Variants in RPS6KA3 observed in about 807,000 individuals in gnomAD.
The protein encoded by RPS6KA3 is ribosomal protein S6 kinase A3.
Under a neutral mutation model 67.2 loss-of-function variants are expected in RPS6KA3, and 4 were observed. The observed-to-expected ratio is 0.06, with a 90% CI of 0.03 to 0.14. The LOEUF (loss-of-function observed/expected upper bound fraction) is 0.14. Ranked by LOEUF, RPS6KA3 falls within the 10% of genes least tolerant of loss-of-function variation. The pLI is 1.00. For synonymous variants in RPS6KA3, 182 were observed against 183.7 expected (o/e 0.99, Z 0.07); for missense variants, 204 against 559.0 (o/e 0.36, Z 6.40).
chrX:20,181,123 A>G (rs767562752), intron 10 of RPS6KA3, among the ~76,000 whole-genome samples: 1 of 112,334 alleles, frequency 8.9e-6, no homozygotes, highest in South Asian at 3.7e-4. Flanking sequence ...TTAAGTAGAT[A>G]TGTCTGGAAT....
intron 1 of RPS6KA3, among the ~76,000 whole-genome samples, chrX:20,248,835 C>T (rs2069778420): frequency 8.9e-6 from 1 of 111,789 alleles, no homozygotes. Flanking sequence ...ATGCACAGAT[C>T]CTACTCAGAT....
chrX:20,205,202 G>T (rs762298181), intron 3 of RPS6KA3, among the ~76,000 whole-genome samples: 1 of 111,999 alleles, frequency 8.9e-6, no homozygotes, highest in Admixed American at 9.4e-5. Context: ...TACTCACTTT[G>T]ACCATTAGGT....
intron 1 of RPS6KA3, among the ~76,000 whole-genome samples, chrX:20,259,090 C>T (rs2070152975): frequency 9.0e-6 from 1 of 111,586 alleles, no homozygotes; most frequent in Non-Finnish European, 1.9e-5. Context: ...CCCCTGACCC[C>T]AGAGGTATTT....
chrX:20,211,057 A>C (rs1188494866), intron 2 of RPS6KA3, among the ~76,000 whole-genome samples: 2 of 110,750 alleles, frequency 1.8e-5, no homozygotes, highest in East Asian at 5.7e-4. Context: ...AGATTTAGAT[A>C]GAAATCCAGG....
Position 20,257,525 on chromosome X carries a change from T to A in RPS6KA3, c.69+9039A>T, listed in dbSNP as rs185962852. Among the ~76,000 whole-genome samples the A allele has an allele frequency of 8.7e-4, 98 of 112,248 alleles. 2 individuals are homozygous for A. Among genetic ancestry groups the A allele is most frequent in the Admixed American group, 4.4e-3 (47 of 10,609 alleles). On this transcript the variant is annotated intron_variant, in intron 1 of 21. Coordinates refer to ENST00000379565, the MANE Select transcript of RPS6KA3 (RefSeq NM_004586.3). Reference sequence around the variant, plus strand: ...TTGTTAACATATCACCTGCAGCAGGTCTGCCTGAACAGGTCTCAATTTTCT... The same window carrying A: ...TTGTTAACATATCACCTGCAGCAGGACTGCCTGAACAGGTCTCAATTTTCT...
At position 20,155,536 on chromosome X, in the gene RPS6KA3, A is replaced by T; in HGVS notation, c.2101-16T>A. 1 of 1,209,547 alleles carries T rather than the reference A, an allele frequency of 8.3e-7. No homozygotes were observed. Among genetic ancestry groups the T allele is most frequent in the Non-Finnish European group, 1.1e-6 (1 of 893,334 alleles). On this transcript the variant is annotated splice_polypyrimidine_tract_variant and intron_variant, in intron 21 of 21. Transcript: ENST00000379565. ...CCATGGCACCCTGAACAAAGGAAAT[A>T]AAGGTAGTAACAAAAGTGACAATGG...
chrX:20,234,574 C>T (rs2069359370), intron 2 of RPS6KA3, among the ~76,000 whole-genome samples, 184 bp downstream of exon 2: 1 of 112,012 alleles, frequency 8.9e-6, no homozygotes, highest in Non-Finnish European at 1.9e-5. Flanking sequence ...CTTAAAATCA[C>T]TCTTATCAAA....
chrX:20,207,748 C>T (rs2068606061), intron 3 of RPS6KA3, among the ~76,000 whole-genome samples: 1 of 111,847 alleles, frequency 8.9e-6, no homozygotes, highest in Non-Finnish European at 1.9e-5. Context: ...AACCATTACG[C>T]TCTGATGGCT....
chrX:20,171,868 T>C (rs1406260835), intron 15 of RPS6KA3, among the ~76,000 whole-genome samples: 1 of 112,320 alleles, frequency 8.9e-6, no homozygotes, highest in Non-Finnish European at 1.9e-5. Context: ...AAATAGAAAA[T>C]TAAATGTATT....
intron 2 of RPS6KA3, among the ~76,000 whole-genome samples, chrX:20,231,011 G>A (rs1393661357): frequency 9.1e-6 from 1 of 110,281 alleles, no homozygotes; most frequent in African/African-American, 3.3e-5. Flanking sequence ...CCAGGCTGGA[G>A]TGCAGTGGCA....
intron 1 of RPS6KA3, among the ~76,000 whole-genome samples, chrX:20,258,242 C>T (rs977552160): frequency 8.9e-6 from 1 of 111,848 alleles, no homozygotes; most frequent in Non-Finnish European, 1.9e-5. Context: ...GCTCAACAGC[C>T]ACATATAGAT....
Position 20,177,165 on chromosome X carries a change from T to C in RPS6KA3, c.846-81A>G, listed in dbSNP as rs748563259. Reference sequence around the variant, plus strand: ...TTTAAAAATTCTTAAATTAAACTTTTTGAGATACTTGTAGATTCACACTCA... The same window carrying C: ...TTTAAAAATTCTTAAATTAAACTTTCTGAGATACTTGTAGATTCACACTCA... On this transcript the variant is annotated intron_variant, in intron 10 of 21. Transcript: ENST00000379565. 324 of 666,425 alleles carry C rather than the reference T, an allele frequency of 4.9e-4. 2 individuals are homozygous for C. The highest frequency in any genetic ancestry group is 1.2e-4 in the Admixed American group (5 of 40,881). 54.9% of individuals were successfully genotyped at this position (666,425 alleles called of 1,213,427 possible). A position where few individuals can be genotyped will look rare whatever the true frequency, so the allele number is the denominator to read the frequency against.
intron 1 of RPS6KA3, among the ~76,000 whole-genome samples, chrX:20,262,852 A>G (rs1223442153): frequency 8.9e-6 from 1 of 111,868 alleles, no homozygotes; most frequent in Admixed American, 9.5e-5. Flanking sequence ...AGAAACCTAT[A>G]TAATATTGAT....
intron 7 of RPS6KA3, among the ~76,000 whole-genome samples, chrX:20,190,869 C>CTTTTTTTTTTTTTT (rs1209937034): frequency 9.7e-6 from 1 of 102,913 alleles, no homozygotes. Flanking sequence ...TTTGTACTAA[C>CTTTTTTTTTTTTTT]TTTTTTTTTT....
At chrX:20,204,632 G>A (rs920654634) in intron 3 of RPS6KA3, among the ~76,000 whole-genome samples, 2 of 112,238 alleles carry the variant, frequency 1.8e-5, no homozygotes, top group Non-Finnish European at 3.8e-5. Context: ...TGGGAGTGGT[G>A]GCACACCCCT....
At position 20,192,592 on chromosome X, in the gene RPS6KA3, CTTTTTT is replaced by C. The variant is rs1159974637; in HGVS notation, c.593+889_593+894del. On this transcript the variant is annotated intron_variant, in intron 7 of 21. Coordinates refer to ENST00000379565, the MANE Select transcript of RPS6KA3 (RefSeq NM_004586.3). ...AAGACTGGAAAAAAATGTAAATTTT[CTTTTTT>C]TTTTTTTTTTTTTTTTTTTGAGACA... is the stretch of plus-strand genomic sequence containing the variant. Among the ~76,000 whole-genome samples the C allele has an allele frequency of 1.9e-3, 86 of 45,395 alleles. 2 individuals carry two copies. The highest frequency in any genetic ancestry group is 9.5e-3 in the African/African-American group (81 of 8,544). The allele number at this position is 45,395 out of a possible 115,157, so 39.4% of individuals were successfully genotyped here.
intron 4 of RPS6KA3, among the ~76,000 whole-genome samples, chrX:20,200,802 C>G (rs1056458738): frequency 9.0e-5 from 10 of 110,780 alleles, no homozygotes; most frequent in Non-Finnish European, 1.7e-4. Context: ...CCGCTTTAGC[C>G]CCCCCAGTCA....
chrX:20,258,995 G>C (rs1400074684), intron 1 of RPS6KA3, among the ~76,000 whole-genome samples: 1 of 111,333 alleles, frequency 9.0e-6, no homozygotes, highest in Non-Finnish European at 1.9e-5. Context: ...ATGCAGGGCA[G>C]GTAATGTCAG....
intron 1 of RPS6KA3, among the ~76,000 whole-genome samples, chrX:20,243,407 A>G (rs1178151949): frequency 8.9e-6 from 1 of 112,461 alleles, no homozygotes; most frequent in Non-Finnish European, 1.9e-5. Flanking sequence ...TGTTGAATAC[A>G]TGAGAAAGTC....
Sources: allele counts gnomAD v4.1 joint callset (sites outside exome capture counted in the v4.1 genomes callset), GRCh38; gene constraint gnomAD v4.1.1; transcripts MANE v1.5; gene names NCBI Gene and HGNC (gene_info 2026-07-23, HGNC 2026-07-21).